STON1: variants seen among roughly 807,000 people sequenced by gnomAD.
STON1 encodes the protein stonin-1.
A neutral mutation model predicts 60.9 loss-of-function variants in STON1; 79 were observed. The ratio of observed to expected loss-of-function variants is 1.30; its 90% confidence interval spans 1.08 to 1.56. The LOEUF (loss-of-function observed/expected upper bound fraction) is 1.56, where lower values mean the gene tolerates loss of function less well. Among genes scored for constraint, STON1 ranks in the 40% most tolerant of loss-of-function variants. The probability of loss-of-function intolerance (pLI) is 0.00; values close to 1 mark genes in which losing one functional copy is unlikely to be tolerated. For missense variants in STON1, 1,166 were observed against 858.9 expected, an observed-to-expected ratio of 1.36 and a Z score of -4.47; for synonymous variants, 363 against 306.9, an observed-to-expected ratio of 1.18 and a Z score of -1.91.
chr2:48,538,284 G>A (rs1310595176), intron 1 of STON1, among the ~76,000 whole-genome samples: 1 of 152,034 alleles, frequency 6.6e-6, no homozygotes, highest in African/African-American at 2.4e-5. Flanking sequence ...TAACTAGTTT[G>A]TAAGAGATAA....
chr2:48,569,293 A>G (rs1673085676), intron 1 of STON1, among the ~76,000 whole-genome samples: 1 of 152,224 alleles, frequency 6.6e-6, no homozygotes, highest in Non-Finnish European at 1.5e-5. Context: ...CCTAAAATCC[A>G]GTGATTCTTT....
intron 3 of STON1, among the ~76,000 whole-genome samples, chr2:48,592,526 G>C (rs1038026619): frequency 6.6e-6 from 1 of 150,942 alleles, no homozygotes; most frequent in Non-Finnish European, 1.5e-5. Flanking sequence ...CCGCCTCCTG[G>C]GTCCAAGCGA....
intron 1 of STON1, among the ~76,000 whole-genome samples, chr2:48,566,371 T>G (rs1672943336): frequency 6.6e-6 from 1 of 152,168 alleles, no homozygotes; most frequent in Non-Finnish European, 1.5e-5. Flanking sequence ...AGACGGGGTT[T>G]CACCATGTTG....
intron 1 of STON1, among the ~76,000 whole-genome samples, chr2:48,565,045 CTT>C (rs35791710): frequency 0.25 from 21,205 of 85,908 alleles, 1,717 homozygotes; most frequent in East Asian, 0.33. Flanking sequence ...CCGGCTTCTT[CTT>C]TTTTTTTTTT....
chr2:48,554,707 AT>A (rs11475306), intron 1 of STON1, among the ~76,000 whole-genome samples: 7,295 of 88,762 alleles, frequency 0.082, 1,468 homozygotes, highest in Non-Finnish European at 0.09. Context: ...TAAGTGCAAA[AT>A]TTTTTTTTTT....
intron 1 of STON1, among the ~76,000 whole-genome samples, chr2:48,579,004 C>CT (rs148221986): frequency 0.14 from 20,948 of 146,348 alleles, 1,635 homozygotes; most frequent in Middle Eastern, 0.26. Context: ...TTCAACACCA[C>CT]TTTTTTTTTT....
At chr2:48,575,919 T>A (rs1327340493) in intron 1 of STON1, among the ~76,000 whole-genome samples, 1 of 151,190 alleles carries the variant, frequency 6.6e-6, no homozygotes, top group Non-Finnish European at 1.5e-5. Context: ...CCACCACGCC[T>A]GGCTAATTTT....
intron 1 of STON1, among the ~76,000 whole-genome samples, chr2:48,539,958 A>G (rs1450147656): frequency 6.6e-6 from 1 of 152,042 alleles, no homozygotes; most frequent in Non-Finnish European, 1.5e-5. Context: ...TAAGTGCCTC[A>G]CTAACAGCTC....
intron 1 of STON1, among the ~76,000 whole-genome samples, chr2:48,577,924 C>G (rs1349989162): frequency 5.3e-5 from 8 of 150,844 alleles, no homozygotes; most frequent in Non-Finnish European, 1.2e-4. Context: ...CCAAAAAAAA[C>G]CAAAAAAACA....
chr2:48,553,186 G>A lies in STON1; in HGVS notation c.-48+22970G>A, dbSNP rs567954323. On this transcript the variant is annotated intron_variant, in intron 1 of 3. Coordinates refer to ENST00000404752, the MANE Select transcript of STON1 (RefSeq NM_006873.4). ...TGACAGCGCCCACCAGATCCAAGAGGAGGGGAAACAGAGTCTTCCTCTTGA... is the reference window on the plus strand; with the variant it reads ...TGACAGCGCCCACCAGATCCAAGAGAAGGGGAAACAGAGTCTTCCTCTTGA... Among the ~76,000 whole-genome samples, 17 of 152,272 alleles carry A rather than the reference G, an allele frequency of 1.1e-4. 1 individual carries two copies. In the South Asian group the frequency reaches 3.3e-3, roughly 30 times the overall value.
chr2:48,540,504 CAG>C lies in STON1; in HGVS notation c.-48+10289_-48+10290del, dbSNP rs578226390. Among the ~76,000 whole-genome samples, 10 of 152,214 alleles carry C rather than the reference CAG, an allele frequency of 6.6e-5. No individual in the cohort carries two copies. In the South Asian group the frequency reaches 1.9e-3, roughly 28 times the overall value. On this transcript the variant is annotated intron_variant, in intron 1 of 3. Coordinates refer to ENST00000404752, the MANE Select transcript of STON1 (RefSeq NM_006873.4). Reference sequence around the variant, plus strand: ...GATGGAGCTTCTGAATAGCTGAACACAGGGAGGTTCCTGGAGGATGGTGCACC... The same window carrying C: ...GATGGAGCTTCTGAATAGCTGAACACGGAGGTTCCTGGAGGATGGTGCACC...
chr2:48,533,223 A>T (rs1671285158), intron 1 of STON1, among the ~76,000 whole-genome samples: 1 of 152,054 alleles, frequency 6.6e-6, no homozygotes. Flanking sequence ...CTCTACTAAA[A>T]ACACAAAAAT....
intron 1 of STON1, among the ~76,000 whole-genome samples, chr2:48,567,980 A>ATTATAGGGAGT (rs1572958117): frequency 2.0e-5 from 3 of 152,232 alleles, no homozygotes; most frequent in East Asian, 3.8e-4. Context: ...ATGGAACCGC[A>ATTATAGGGAGT]CAGACACACT....
At chr2:48,575,593 C>T (rs781254055) in intron 1 of STON1, among the ~76,000 whole-genome samples, 46 of 151,606 alleles carry the variant, frequency 3.0e-4, no homozygotes, top group Non-Finnish European at 6.3e-4. Flanking sequence ...GCAGAGGTTG[C>T]GGTGAGCCGA....
chr2:48,571,703 A>G (rs747455402), intron 1 of STON1, among the ~76,000 whole-genome samples: 2 of 152,108 alleles, frequency 1.3e-5, no homozygotes, highest in African/African-American at 4.8e-5. Context: ...CCCCTTTCCT[A>G]TGAGAGGATT....
At position 48,564,476 on chromosome 2, in the gene STON1, CTTCTTT is replaced by C. The variant is rs1182864865; in HGVS notation, c.-47-16110_-47-16105del. Among the ~76,000 whole-genome samples the C allele has an allele frequency of 1.5e-3, 75 of 50,384 alleles. 5 individuals carry two copies. Among genetic ancestry groups the C allele is most frequent in the African/African-American group, 4.9e-3 (64 of 12,940 alleles). The allele number at this position is 50,384 out of a possible 152,430, so 33.1% of individuals were successfully genotyped here. On this transcript the variant is annotated intron_variant, in intron 1 of 3. Coordinates refer to ENST00000404752, the MANE Select transcript of STON1 (RefSeq NM_006873.4). ...TCTTCTTCTTCTTCTTCTTCTTCTTCTTCTTTCTTCTTCTTCTTCTTCTTCTTCTTC... is the reference window on the plus strand; with the variant it reads ...TCTTCTTCTTCTTCTTCTTCTTCTTCCTTCTTCTTCTTCTTCTTCTTCTTC...
Position 48,582,350 on chromosome 2 carries a change from C to G in STON1, c.1717C>G (p.Pro573Ala), listed in dbSNP as rs768001431. ...CTGTGACAATATAAGGATACACTTT[C>G]CTGTCCCATCGCAGTGGATCAAGGC... ...RSCDNIRIHFPVPSQWIKALW... is the reference protein window; with the variant it reads ...RSCDNIRIHFAVPSQWIKALW... Residue 573 changes from proline to alanine, a missense_variant, in exon 2 of 4, where the codon CCT becomes GCT. By Grantham distance (27) the Pro-to-Ala change is conservative (BLOSUM62 -1). Transcript: ENST00000404752. 1 of 1,614,198 alleles carries G rather than the reference C, an allele frequency of 6.2e-7. No individual in the cohort carries two copies. Among genetic ancestry groups the G allele is most frequent in the South Asian group, 1.1e-5 (1 of 91,082 alleles).
Position 48,581,410 on chromosome 2 carries a change from C to G in STON1, c.777C>G (p.Ala259=), listed in dbSNP as rs1196413976. The G allele has an allele frequency of 1.1e-5, 17 of 1,610,662 alleles. No homozygotes were observed. The highest frequency in any genetic ancestry group is 1.4e-5 in the Non-Finnish European group (17 of 1,177,886). Residue 259 remains alanine, a synonymous_variant, in exon 2 of 4, where the codon GCC becomes GCG. Coordinates refer to ENST00000404752, the MANE Select transcript of STON1 (RefSeq NM_006873.4). ...ACTGTCTATGTGCTGAAGAAAATGCCTCTTCCTTTGTCCCCCACACACTCT... is the reference window on the plus strand; with the variant it reads ...ACTGTCTATGTGCTGAAGAAAATGCGTCTTCCTTTGTCCCCCACACACTCT... ...SMHCLCAEEN[A]SSFVPHTLFR...
intron 2 of STON1, 50 bp from the exon 3 acceptor site, chr2:48,591,603 G>A (rs375446784): frequency 1.3e-6 from 2 of 1,597,796 alleles, no homozygotes; most frequent in Non-Finnish European, 1.7e-6. Context: ...CAAGAGAAAT[G>A]TTCAATGGCC....
Sources: gnomAD v4.1 joint callset for allele counts (sites outside exome capture counted in the v4.1 genomes callset) on GRCh38, gnomAD v4.1.1 for gene constraint, MANE v1.5 for transcripts, NCBI Gene and HGNC (gene_info 2026-07-23, HGNC 2026-07-21) for gene names.